The following SOS1 variants were observed in gnomAD, a reference collection of about 807,000 sequenced individuals.
SOS1 encodes the protein son of sevenless homolog 1.
A neutral mutation model predicts 157.6 loss-of-function variants in SOS1; 25 were observed. The ratio of observed to expected loss-of-function variants is 0.16; its 90% confidence interval spans 0.12 to 0.22. SOS1 has a LOEUF of 0.22. SOS1 is among the 10% of genes least tolerant of loss of function. The pLI is 1.00. For synonymous variants in SOS1, 528 were observed against 534.0 expected (o/e 0.99, Z 0.16); for missense variants, 1,237 against 1,599.1 (o/e 0.77, Z 3.86).
chr2:39,122,597 G>A (rs997877543), upstream of SOS1, among the ~76,000 whole-genome samples: 2 of 151,830 alleles, frequency 1.3e-5, no homozygotes, highest in African/African-American at 2.4e-5. Context: ...CATCTTTATT[G>A]TTTTATTGAA....
At chr2:39,028,162 A>G (rs1670031224) in intron 8 of SOS1, among the ~76,000 whole-genome samples, 1 of 152,212 alleles carries the variant, frequency 6.6e-6, no homozygotes, top group South Asian at 2.1e-4. Context: ...GAGATGATAA[A>G]ATTTAACTTT....
intron 17 of SOS1, among the ~76,000 whole-genome samples, chr2:39,006,195 T>G (rs974524626): frequency 7.9e-5 from 12 of 152,106 alleles, no homozygotes; most frequent in Non-Finnish European, 1.3e-4. Flanking sequence ...TTAAATAATA[T>G]CTAATGGCTG....
Position 39,050,313 on chromosome 2 carries a change from CCTTT to C in SOS1, c.864+827_864+830del, listed in dbSNP as rs1184756955. Among the ~76,000 whole-genome samples, 5 of 152,186 alleles carry C rather than the reference CCTTT, an allele frequency of 3.3e-5. No individual in the cohort carries two copies. The East Asian group carries it at 5.8e-4, about 18-fold the overall frequency. On this transcript the variant is annotated intron_variant, in intron 6 of 22. Coordinates refer to ENST00000402219, the MANE Select transcript of SOS1 (RefSeq NM_005633.4). ...TTTGAAATATCTGAGGAGTTAGTTA[CCTTT>C]CTTTCTATCTCGTGGTATCTGAATC...
intron 4 of SOS1, 73 bp downstream of exon 4, chr2:39,056,629 T>G: frequency 1.1e-6 from 1 of 932,226 alleles, no homozygotes; most frequent in Non-Finnish European, 1.8e-6. Context: ...TTATTCTATA[T>G]GAATAGTACG....
chr2:39,104,940 C>G (rs1381498865), intron 1 of SOS1, among the ~76,000 whole-genome samples: 1 of 152,140 alleles, frequency 6.6e-6, no homozygotes, highest in East Asian at 1.9e-4. Flanking sequence ...CGTTGCACAA[C>G]ATTGTGAATG....
rs747415691 is a variant in SOS1 at position 38,986,155 on chromosome 2, T to C, written c.3671A>G (p.Asp1224Gly). 8 of 1,613,732 alleles carry C rather than the reference T, an allele frequency of 5.0e-6. No homozygotes were observed. Among genetic ancestry groups the C allele is most frequent in the Non-Finnish European group, 6.8e-6 (8 of 1,179,838 alleles). The change falls in exon 23 of 23, where the codon GAT becomes GGT. Residue 1224 changes from aspartate to glycine, a missense_variant. Around this residue, in one of 15 missense-constraint regions of SOS1, gnomAD observed 306 missense variants for 322.6 expected, o/e 0.95. Coordinates refer to ENST00000402219, the MANE Select transcript of SOS1 (RefSeq NM_005633.4). ...LPPREPVRTP[D>G]VFSSSPLHLQ... Reference sequence around the variant, plus strand: ...ATGTAGTGGTGAGCTTGAGAAAACATCAGGTGTCCTCACAGGTTCTCGTGG... The same window carrying C: ...ATGTAGTGGTGAGCTTGAGAAAACACCAGGTGTCCTCACAGGTTCTCGTGG...
intron 1 of SOS1, among the ~76,000 whole-genome samples, chr2:39,087,631 G>T (rs1672427096): frequency 6.6e-6 from 1 of 152,134 alleles, no homozygotes. Flanking sequence ...ACCACCAGAG[G>T]ATAACATGAT....
intron 1 of SOS1, among the ~76,000 whole-genome samples, chr2:39,074,741 C>T (rs1671907137): frequency 6.6e-6 from 1 of 151,896 alleles, no homozygotes; most frequent in African/African-American, 2.4e-5. Context: ...GTGGCACGTG[C>T]CTGTAATCCC....
chr2:39,084,524 G>C (rs1672307520), intron 1 of SOS1, among the ~76,000 whole-genome samples: 1 of 151,742 alleles, frequency 6.6e-6, no homozygotes, highest in African/African-American at 2.4e-5. Flanking sequence ...AAGAAAAAGG[G>C]GGAAAGAATG....
chr2:38,986,183 G>A lies in SOS1; in HGVS notation c.3643C>T (p.Pro1215Ser). 6.2e-7 allele frequency: 1 copy of A among 1,613,928 alleles called. No individual in the cohort carries two copies. Among genetic ancestry groups the A allele is most frequent in the Non-Finnish European group, 8.5e-7 (1 of 1,179,890 alleles). ...SDPPESPPLL[P>S]PREPVRTPDV... ...GGTGTCCTCACAGGTTCTCGTGGTG[G>A]TAATAAGGGAGGGCTTTCAGGAGGG... Residue 1215 changes from proline to serine, a missense_variant, in exon 23 of 23, where the codon CCA becomes TCA. This residue lies in a region of SOS1 where 306 missense variants were observed against 322.6 expected (regional missense o/e 0.95). Coordinates refer to ENST00000402219, the MANE Select transcript of SOS1 (RefSeq NM_005633.4).
chr2:39,110,470 T>C (rs921052587), intron 1 of SOS1, among the ~76,000 whole-genome samples: 1 of 150,340 alleles, frequency 6.7e-6, no homozygotes, highest in African/African-American at 2.5e-5. Context: ...CACAATCCAA[T>C]AGAGAAAAGA....
Position 38,985,529 on chromosome 2 carries a change from C to G in SOS1, c.*295G>C. On this transcript the variant is annotated 3_prime_UTR_variant, in exon 23 of 23. Transcript: ENST00000402219. ...CTTTAATGATCACTTCACAAAAGATCACTTCACAAAAAGAGGACTCCTGCC... is the reference window on the plus strand; with the variant it reads ...CTTTAATGATCACTTCACAAAAGATGACTTCACAAAAAGAGGACTCCTGCC... 1 of 380,110 alleles carries G rather than the reference C, an allele frequency of 2.6e-6. No homozygotes were observed. Among genetic ancestry groups the G allele is most frequent in the Non-Finnish European group, 5.0e-6 (1 of 199,780 alleles). The allele number at this position is 380,110 out of a possible 1,614,324, so 23.5% of individuals were successfully genotyped here. A position where few individuals can be genotyped will look rare whatever the true frequency, so the allele number is the denominator to read the frequency against.
chr2:38,985,395 A>T lies in SOS1; in HGVS notation c.*429T>A, dbSNP rs1381935991. 5.2e-6 allele frequency: 1 copy of T among 193,928 alleles called. No homozygotes were observed. Among genetic ancestry groups the T allele is most frequent in the East Asian group, 1.2e-4 (1 of 8,410 alleles). The allele number at this position is 193,928 out of a possible 1,614,324, so 12.0% of individuals were successfully genotyped here. On this transcript the variant is annotated 3_prime_UTR_variant, in exon 23 of 23. Coordinates refer to ENST00000402219, the MANE Select transcript of SOS1 (RefSeq NM_005633.4). The stretch of plus-strand genomic sequence containing the variant: ...TAGAAGAGTAAAGCAAAGGAAAACA[A>T]AGGAAGATATTAAGATCCCTGTTTA...
At position 39,086,093 on chromosome 2, in the gene SOS1, G is replaced by A. The variant is rs1054274878; in HGVS notation, c.88-18340C>T. Among the ~76,000 whole-genome samples the A allele has an allele frequency of 7.2e-5, 11 of 151,986 alleles. No individual in the cohort carries two copies. The East Asian group carries it at 1.2e-3, about 16-fold the overall frequency. On this transcript the variant is annotated intron_variant, in intron 1 of 22. Coordinates refer to ENST00000402219, the MANE Select transcript of SOS1 (RefSeq NM_005633.4). ...AATATATTGCCAATCTTTAATAAAC[G>A]TTACCTGTAGCCATTATTGATGTTC...
intron 2 of SOS1, among the ~76,000 whole-genome samples, chr2:39,065,199 G>A (rs1032278141): frequency 4.6e-5 from 7 of 152,062 alleles, no homozygotes; most frequent in African/African-American, 1.4e-4. Flanking sequence ...AAGAAATACC[G>A]AATCCTAGTC....
At chr2:39,036,656 C>T (rs904873643) in intron 6 of SOS1, among the ~76,000 whole-genome samples, 2 of 152,164 alleles carry the variant, frequency 1.3e-5, no homozygotes, top group Admixed American at 6.5e-5. Flanking sequence ...TCACTGCAAG[C>T]TCCGCCTCCC....
rs1364295883 is a variant in SOS1 at position 39,120,492 on chromosome 2, G to T, written c.-70C>A. ...CCGGGCCAGGGAGCCGCGAGAGGGCGAGCTCGCAGCGCGGAACAGGGCCGC... is the reference window on the plus strand; with the variant it reads ...CCGGGCCAGGGAGCCGCGAGAGGGCTAGCTCGCAGCGCGGAACAGGGCCGC... On this transcript the variant is annotated 5_prime_UTR_variant, in exon 1 of 23. Transcript: ENST00000402219. The T allele has an allele frequency of 1.0e-5, 14 of 1,395,384 alleles. No individual in the cohort carries two copies. Among genetic ancestry groups the T allele is most frequent in the Non-Finnish European group, 1.3e-5 (14 of 1,071,506 alleles). 86.4% of individuals were successfully genotyped at this position (1,395,384 alleles called of 1,614,324 possible).
chr2:39,119,435 T>C (rs1037551611), intron 1 of SOS1, among the ~76,000 whole-genome samples: 20 of 152,122 alleles, frequency 1.3e-4, no homozygotes, highest in African/African-American at 4.3e-4. Context: ...TAAAACATAA[T>C]CTCCATTCTT....
intron 1 of SOS1, among the ~76,000 whole-genome samples, chr2:39,085,128 C>G (rs1672328299): frequency 6.6e-6 from 1 of 152,182 alleles, no homozygotes; most frequent in Non-Finnish European, 1.5e-5. Context: ...TCACTGCAGC[C>G]TTGACCTCCT....
Sources: allele counts gnomAD v4.1 joint callset (sites outside exome capture counted in the v4.1 genomes callset), GRCh38; gene constraint gnomAD v4.1.1; regional missense constraint gnomAD v4.1.1; transcripts MANE v1.5; gene names NCBI Gene and HGNC (gene_info 2026-07-23, HGNC 2026-07-21).